The following LRP1B variants were observed in gnomAD, a reference collection of about 807,000 sequenced individuals.
LRP1B encodes the protein LDL receptor related protein 1B.
LRP1B carries 217 observed loss-of-function variants against 556.6 expected under a neutral mutation model. That is an observed-to-expected ratio of 0.39 (90% CI 0.35 to 0.44). The LOEUF (loss-of-function observed/expected upper bound fraction) is 0.44. Among genes scored for constraint, LRP1B ranks in the 20% least tolerant of loss-of-function variants. The pLI, the probability that LRP1B is intolerant of heterozygous loss-of-function variation, is 1.00. For missense variants in LRP1B, 5,053 were observed against 5,620.8 expected (o/e 0.90, Z 3.23); for synonymous variants, 2,047 against 1,865.8 (o/e 1.10, Z -2.50).
intron 87 of LRP1B, among the ~76,000 whole-genome samples, chr2:140,241,207 G>T (rs2046566): frequency 0.59 from 89,467 of 150,640 alleles, 27,084 homozygotes; most frequent in Non-Finnish European, 0.66. Context: ...TTTATTAGCA[G>T]CTGTAATTTA....
At chr2:140,682,837 T>A (rs899811160) in intron 41 of LRP1B, among the ~76,000 whole-genome samples, 3 of 152,166 alleles carry the variant, frequency 2.0e-5, no homozygotes, top group Non-Finnish European at 4.4e-5. Context: ...ACCAATACAC[T>A]GCAATTGTTT....
chr2:140,794,936 C>CT (rs1178386106), intron 32 of LRP1B, among the ~76,000 whole-genome samples: 1 of 151,988 alleles, frequency 6.6e-6, no homozygotes, highest in African/African-American at 2.4e-5. Flanking sequence ...AACTATGGAG[C>CT]TTTTATATAT....
At chr2:141,707,590 T>C (rs908600957) in intron 2 of LRP1B, among the ~76,000 whole-genome samples, 3 of 152,182 alleles carry the variant, frequency 2.0e-5, no homozygotes, top group African/African-American at 7.2e-5. Context: ...AAATGCTAGT[T>C]GTGTCTGCAC....
intron 7 of LRP1B, among the ~76,000 whole-genome samples, chr2:141,067,998 C>T (rs891199931): frequency 1.3e-5 from 2 of 151,944 alleles, no homozygotes; most frequent in African/African-American, 2.4e-5. Context: ...GTCCTTAGGT[C>T]TGTGAATACA....
At chr2:141,281,696 C>T (rs1331909609) in intron 3 of LRP1B, among the ~76,000 whole-genome samples, 7 of 151,660 alleles carry the variant, frequency 4.6e-5, no homozygotes, top group East Asian at 1.9e-4. Context: ...TATTCTATGC[C>T]ATAACACAAC....
chr2:141,423,214 T>C (rs1308330085), intron 3 of LRP1B, among the ~76,000 whole-genome samples: 1 of 151,752 alleles, frequency 6.6e-6, no homozygotes. Flanking sequence ...TTGCATTGGC[T>C]GATGTACATG....
intron 69 of LRP1B, 151 bp downstream of exon 69, chr2:140,372,857 C>G: frequency 1.3e-6 from 1 of 765,680 alleles, no homozygotes; most frequent in South Asian, 1.6e-5. Flanking sequence ...GAAGCACACA[C>G]TAATTAATTT....
chr2:141,577,044 T>C (rs1286250302), intron 2 of LRP1B, among the ~76,000 whole-genome samples: 2 of 152,116 alleles, frequency 1.3e-5, no homozygotes, highest in Non-Finnish European at 2.9e-5. Flanking sequence ...ATTTAGACAT[T>C]AAATTTAAGT....
chr2:141,871,071 T>C (rs1333193903), intron 1 of LRP1B, among the ~76,000 whole-genome samples: 2 of 151,860 alleles, frequency 1.3e-5, no homozygotes, highest in Non-Finnish European at 2.9e-5. Context: ...GAATAAAATG[T>C]TTCTGGTCAC....
At chr2:141,937,020 T>C (rs1199912249) in intron 1 of LRP1B, among the ~76,000 whole-genome samples, 2 of 152,056 alleles carry the variant, frequency 1.3e-5, no homozygotes, top group Non-Finnish European at 2.9e-5. Context: ...ATTCACTTAA[T>C]TCAAAAAGCT....
In LRP1B at chr2:140,352,941, T is replaced by G. The variant is rs1404189993; in HGVS notation, c.11650+12A>C. 5.6e-6 allele frequency: 9 copies of G among 1,607,366 alleles called. No individual in the cohort carries two copies. The Admixed American group carries it at 8.5e-5, about 15-fold the overall frequency. On this transcript the variant is annotated intron_variant, in intron 76 of 90. Coordinates refer to ENST00000389484, the MANE Select transcript of LRP1B (RefSeq NM_018557.3). ...ATTGTAATAGGATTTGCAATAGTGG[T>G]TATAATCTTACCTTCTGCTATGCAG... is the stretch of plus-strand genomic sequence containing the variant.
chr2:142,040,185 G>A (rs1285468021), intron 1 of LRP1B, among the ~76,000 whole-genome samples: 1 of 151,262 alleles, frequency 6.6e-6, no homozygotes, highest in Non-Finnish European at 1.5e-5. Context: ...TCTAATGATT[G>A]ACTTAATTTT....
intron 2 of LRP1B, among the ~76,000 whole-genome samples, chr2:141,531,782 C>G (rs1044522059): frequency 1.3e-5 from 2 of 152,078 alleles, no homozygotes; most frequent in Non-Finnish European, 2.9e-5. Flanking sequence ...TAATTAAAAT[C>G]AAAGCCAAAG....
At chr2:140,972,530 T>G (rs999009356) in intron 18 of LRP1B, among the ~76,000 whole-genome samples, 2 of 152,072 alleles carry the variant, frequency 1.3e-5, no homozygotes, top group African/African-American at 4.8e-5. Flanking sequence ...TAATGAAACA[T>G]CAAGCATCTT....
intron 2 of LRP1B, among the ~76,000 whole-genome samples, chr2:141,512,008 C>T (rs1242709833): frequency 6.6e-6 from 1 of 152,072 alleles, no homozygotes; most frequent in African/African-American, 2.4e-5. Flanking sequence ...TTAACAAATA[C>T]ATAGGTAAAA....
chr2:141,077,093 T>A (rs1051712108), intron 7 of LRP1B, among the ~76,000 whole-genome samples: 1 of 151,930 alleles, frequency 6.6e-6, no homozygotes, highest in African/African-American at 2.4e-5. Context: ...AAAAATATTT[T>A]AAAAATTAGC....
chr2:141,869,498 A>G (rs1698517050), intron 1 of LRP1B, among the ~76,000 whole-genome samples: 1 of 152,098 alleles, frequency 6.6e-6, no homozygotes, highest in South Asian at 2.1e-4. Context: ...AAGATTTTCA[A>G]TAGCATAGAT....
chr2:141,110,454 C>T (rs1019879563), intron 7 of LRP1B, among the ~76,000 whole-genome samples: 9 of 152,080 alleles, frequency 5.9e-5, no homozygotes, highest in African/African-American at 2.2e-4. Flanking sequence ...AAAGTTTGCT[C>T]ATATGCGTAT....
At chr2:141,234,829 G>A (rs369539373) in intron 5 of LRP1B, among the ~76,000 whole-genome samples, 4 of 152,174 alleles carry the variant, frequency 2.6e-5, no homozygotes, top group East Asian at 1.9e-4. Flanking sequence ...AAGTATTACA[G>A]TATTCAAATA....
Sources: gnomAD v4.1 joint callset for allele counts (sites outside exome capture counted in the v4.1 genomes callset) on GRCh38, gnomAD v4.1.1 for gene constraint, MANE v1.5 for transcripts, NCBI Gene and HGNC (gene_info 2026-07-23, HGNC 2026-07-21) for gene names.